The following RIT2 variants were observed in gnomAD, a reference collection of about 807,000 sequenced individuals.
The protein encoded by RIT2 is GTP-binding protein Rit2.
RIT2 carries 24 observed loss-of-function variants against 23.7 expected under a neutral mutation model. The ratio of observed to expected loss-of-function variants is 1.01; its 90% CI spans 0.73 to 1.43. The LOEUF (loss-of-function observed/expected upper bound fraction) is 1.43, where lower values mean the gene tolerates loss of function less well. Ranked by LOEUF, RIT2 falls within the 40% of genes most tolerant of loss-of-function variation. The pLI, the probability that RIT2 is intolerant of heterozygous loss-of-function variation, is 0.00. For missense variants in RIT2, 236 were observed against 266.9 expected (o/e 0.88, Z 0.81); for synonymous variants, 107 against 91.1 (o/e 1.17, Z -0.99).
chr18:43,064,765 A>T (rs1912731160), intron 1 of RIT2, among the ~76,000 whole-genome samples: 1 of 152,158 alleles, frequency 6.6e-6, no homozygotes, highest in South Asian at 2.1e-4. Flanking sequence ...TTACCTAAAA[A>T]TTTAACCAAA....
intron 4 of RIT2, among the ~76,000 whole-genome samples, chr18:42,799,279 A>T (rs1188388696): frequency 6.6e-6 from 1 of 152,212 alleles, no homozygotes; most frequent in Non-Finnish European, 1.5e-5. Flanking sequence ...GAATAATAAG[A>T]TTAGAAAATT....
At chr18:42,834,562 T>C (rs1266179597) in intron 4 of RIT2, among the ~76,000 whole-genome samples, 3 of 151,814 alleles carry the variant, frequency 2.0e-5, no homozygotes, top group African/African-American at 4.8e-5. Context: ...CACACACACA[T>C]ACACACATAC....
intron 2 of RIT2, among the ~76,000 whole-genome samples, chr18:42,982,945 A>T (rs1225998043): frequency 2.0e-5 from 3 of 152,134 alleles, no homozygotes; most frequent in Non-Finnish European, 4.4e-5. Context: ...TCAGAATTGC[A>T]GAACATTTTT....
chr18:43,103,502 T>G (rs950293880), intron 1 of RIT2, among the ~76,000 whole-genome samples: 3 of 152,168 alleles, frequency 2.0e-5, no homozygotes. Flanking sequence ...ACTGTGTAAC[T>G]GTAAATAGTT....
intron 4 of RIT2, among the ~76,000 whole-genome samples, chr18:42,849,460 G>C (rs535494905): frequency 6.6e-6 from 1 of 152,196 alleles, no homozygotes. Context: ...CGGTTTTCTC[G>C]TGGGTAAAAG....
intron 1 of RIT2, among the ~76,000 whole-genome samples, chr18:43,045,292 G>T (rs1912220477): frequency 6.6e-6 from 1 of 152,090 alleles, no homozygotes; most frequent in Non-Finnish European, 1.5e-5. Context: ...AAAGCATTCA[G>T]ATTTTAAAAT....
chr18:42,779,807 A>G (rs1425206689), intron 4 of RIT2, among the ~76,000 whole-genome samples: 1 of 152,148 alleles, frequency 6.6e-6, no homozygotes. Flanking sequence ...TGTGAACACA[A>G]AGGTAATATT....
chr18:42,780,076 C>A (rs1234163270), intron 4 of RIT2, among the ~76,000 whole-genome samples: 2 of 2,084 alleles, frequency 9.6e-4, no homozygotes, highest in Non-Finnish European at 4.9e-3. Context: ...TTTTTTTTTG[C>A]CAAGGTTAGG....
intron 1 of RIT2, among the ~76,000 whole-genome samples, chr18:43,111,948 A>G (rs963857184): frequency 4.6e-5 from 7 of 151,920 alleles, no homozygotes; most frequent in African/African-American, 7.2e-5. Context: ...TGCAGTTAGT[A>G]ACATTCTTGG....
At chr18:43,111,927 C>A (rs1193481402) in intron 1 of RIT2, among the ~76,000 whole-genome samples, 1 of 151,768 alleles carries the variant, frequency 6.6e-6, no homozygotes, top group African/African-American at 2.4e-5. Context: ...CTTGTGTATC[C>A]CTGTTTTCTC....
chr18:43,109,010 A>C (rs1353174595), intron 1 of RIT2, among the ~76,000 whole-genome samples: 3 of 152,250 alleles, frequency 2.0e-5, no homozygotes, highest in African/African-American at 7.2e-5. Flanking sequence ...GCTGTGGGAC[A>C]TGAATGATGC....
chr18:43,068,128 G>T (rs528158981), intron 1 of RIT2, among the ~76,000 whole-genome samples: 1 of 152,288 alleles, frequency 6.6e-6, no homozygotes, highest in East Asian at 1.9e-4. Context: ...CCAATGTGAT[G>T]AGGATGTATA....
At chr18:42,913,437 C>T (rs2144121557) in intron 4 of RIT2, among the ~76,000 whole-genome samples, 1 of 151,726 alleles carries the variant, frequency 6.6e-6, no homozygotes, top group South Asian at 2.1e-4. Flanking sequence ...CATTAAAAGA[C>T]AAACTACTGA....
At chr18:42,927,667 T>C (rs986859712) in intron 3 of RIT2, among the ~76,000 whole-genome samples, 7 of 151,976 alleles carry the variant, frequency 4.6e-5, no homozygotes, top group African/African-American at 1.7e-4. Flanking sequence ...TTCAGGAACA[T>C]TACCAGATTC....
chr18:42,906,343 A>G (rs1326408638), intron 4 of RIT2, among the ~76,000 whole-genome samples: 2 of 152,162 alleles, frequency 1.3e-5, no homozygotes, highest in African/African-American at 4.8e-5. Flanking sequence ...ACAGACATAC[A>G]TAATACTGAA....
chr18:43,016,707 A>G (rs1408488108), intron 2 of RIT2, among the ~76,000 whole-genome samples: 1 of 151,866 alleles, frequency 6.6e-6, no homozygotes, highest in Non-Finnish European at 1.5e-5. Context: ...AGAAAGTCAA[A>G]TTATAGAATA....
intron 4 of RIT2, among the ~76,000 whole-genome samples, chr18:42,829,691 G>C (rs774259541): frequency 6.6e-6 from 1 of 152,060 alleles, no homozygotes; most frequent in Non-Finnish European, 1.5e-5. Context: ...AGAAACTTAA[G>C]GAAAACTACA....
chr18:42,861,778 A>G (rs1907334528), intron 4 of RIT2, among the ~76,000 whole-genome samples: 1 of 152,222 alleles, frequency 6.6e-6, no homozygotes, highest in South Asian at 2.1e-4. Flanking sequence ...CTCTATTTTC[A>G]TCAAATTATC....
chr18:42,859,465 A>G (rs192862677), intron 4 of RIT2, among the ~76,000 whole-genome samples: 30 of 152,278 alleles, frequency 2.0e-4, no homozygotes, highest in African/African-American at 7.2e-4. Context: ...CTCTTAAAAG[A>G]TATGTGATTT....
Sources: gnomAD v4.1 joint callset for allele counts (sites outside exome capture counted in the v4.1 genomes callset) on GRCh38, gnomAD v4.1.1 for gene constraint, MANE v1.5 for transcripts, NCBI Gene and HGNC (gene_info 2026-07-23, HGNC 2026-07-21) for gene names.